Variants in SIPA1L1 observed in about 807,000 individuals in gnomAD.
SIPA1L1 encodes signal-induced proliferation-associated 1-like protein 1.
SIPA1L1 carries 26 observed loss-of-function variants against 162.7 expected under a neutral mutation model. That is an observed-to-expected ratio of 0.16 (90% CI 0.12 to 0.22). SIPA1L1 has a LOEUF of 0.22. SIPA1L1 is among the 10% of genes least tolerant of loss of function. SIPA1L1 has a pLI of 1.00. For missense variants in SIPA1L1, 1,874 were observed against 2,241.0 expected (o/e 0.84, Z 3.31); for synonymous variants, 829 against 837.4 (o/e 0.99, Z 0.17).
chr14:71,674,616 G>GCCGAGACCCCGCCAC (rs2044913202), intron 12 of SIPA1L1, among the ~76,000 whole-genome samples: 1 of 148,220 alleles, frequency 6.7e-6, no homozygotes, highest in African/African-American at 2.5e-5. Flanking sequence ...CCAGGCTGGA[G>GCCGAGACCCCGCCAC]TGCAGTGGCG....
In SIPA1L1 at chr14:71,671,515, C is replaced by A. The variant is rs2044508375; in HGVS notation, c.2652C>A (p.Phe884Leu). The A allele has an allele frequency of 6.2e-7, 1 of 1,614,060 alleles. No individual in the cohort carries two copies. Among genetic ancestry groups the A allele is most frequent in the African/African-American group, 1.3e-5 (1 of 74,926 alleles). Reference protein sequence around the residue: ...LDCLLGISNEFIVLIEQETKS... With the variant: ...LDCLLGISNELIVLIEQETKS... ...GCCTTTTAGGGATCTCCAATGAGTTCATTGTGCTCATTGAACAGGAAACAA... is the reference window on the plus strand; with the variant it reads ...GCCTTTTAGGGATCTCCAATGAGTTAATTGTGCTCATTGAACAGGAAACAA... The change falls in exon 11 of 24, where the codon TTC becomes TTA. Residue 884 changes from phenylalanine (F) to leucine (L), a missense_variant. By Grantham distance (22) the Phe-to-Leu change is conservative. Transcript: ENST00000381232.
At chr14:71,343,587 C>T (rs138334774) in intron 2 of SIPA1L1, among the ~76,000 whole-genome samples, 230 of 152,172 alleles carry the variant, frequency 1.5e-3, no homozygotes, top group Non-Finnish European at 2.5e-3. Flanking sequence ...CATTCTGCCA[C>T]CCAAGAATAA....
chr14:71,691,048 A>T (rs926810141), intron 13 of SIPA1L1, among the ~76,000 whole-genome samples: 1 of 152,154 alleles, frequency 6.6e-6, no homozygotes, highest in African/African-American at 2.4e-5. Flanking sequence ...AGGATTCGTT[A>T]TCAACTTCCC....
chr14:71,624,099 A>G lies in SIPA1L1; in HGVS notation c.1681A>G (p.Lys561Glu). The G allele has an allele frequency of 6.2e-7, 1 of 1,614,050 alleles. No homozygotes were observed. The highest frequency in any genetic ancestry group is 8.5e-7 in the Non-Finnish European group (1 of 1,179,932). ...VLEDAIPSTAKHSTARGLPLK... is the reference protein window; with the variant it reads ...VLEDAIPSTAEHSTARGLPLK... ...GGAGGACGCCATTCCGTCGACAGCC[A>G]AGCACTCGACAGCCAGAGGCCTGCC... is the stretch of plus-strand genomic sequence containing the variant. Residue 561 changes from lysine to glutamate, a missense_variant, in exon 7 of 24, where the codon AAG (lysine) becomes GAG (glutamate). Physicochemically the swap from Lys to Glu is moderately conservative, Grantham distance 56. This residue lies in a region of SIPA1L1 where 685 missense variants were observed against 828.0 expected (regional missense o/e 0.83). Transcript: ENST00000381232.
At chr14:71,693,115 A>T (rs1459593342) in intron 13 of SIPA1L1, among the ~76,000 whole-genome samples, 1 of 152,166 alleles carries the variant, frequency 6.6e-6, no homozygotes, top group Non-Finnish European at 1.5e-5. Flanking sequence ...AATTTTGCGC[A>T]TATTTGCATT....
intron 2 of SIPA1L1, among the ~76,000 whole-genome samples, chr14:71,380,769 G>A (rs1420923912): frequency 6.6e-6 from 1 of 152,150 alleles, no homozygotes; most frequent in Non-Finnish European, 1.5e-5. Context: ...TTTAGATCCA[G>A]CCCTGTCTGA....
intron 2 of SIPA1L1, among the ~76,000 whole-genome samples, chr14:71,343,897 C>T (rs777707559): frequency 3.6e-4 from 55 of 152,178 alleles, no homozygotes; most frequent in Non-Finnish European, 7.1e-4. Context: ...TGGTAATTGG[C>T]ATTCCAGATG....
chr14:71,547,272 G>T (rs900668501), intron 4 of SIPA1L1, among the ~76,000 whole-genome samples: 1 of 146,436 alleles, frequency 6.8e-6, no homozygotes, highest in Admixed American at 6.8e-5. Context: ...CATAAGATTC[G>T]TCACTTAATA....
At chr14:71,655,350 T>C (rs377405673) in intron 8 of SIPA1L1, among the ~76,000 whole-genome samples, 1 of 152,210 alleles carries the variant, frequency 6.6e-6, no homozygotes, top group Non-Finnish European at 1.5e-5. Flanking sequence ...ATGTACCATG[T>C]TTCCTTTATC....
intron 2 of SIPA1L1, among the ~76,000 whole-genome samples, chr14:71,482,362 A>C (rs1336499057): frequency 6.6e-6 from 1 of 152,198 alleles, no homozygotes; most frequent in East Asian, 1.9e-4. Context: ...TATTTTGACC[A>C]GAGGTGTAGA....
chr14:71,499,894 T>C (rs1294125009), intron 2 of SIPA1L1, among the ~76,000 whole-genome samples: 1 of 152,216 alleles, frequency 6.6e-6, no homozygotes, highest in Non-Finnish European at 1.5e-5. Context: ...TTGATATGTG[T>C]CCCACCAGAA....
intron 17 of SIPA1L1, among the ~76,000 whole-genome samples, chr14:71,713,784 T>G (rs781451609): frequency 2.6e-5 from 4 of 152,242 alleles, no homozygotes; most frequent in African/African-American, 7.2e-5. Flanking sequence ...TGGCATCCTA[T>G]GGATGTGAGA....
chr14:71,738,441 A>T (rs750844193), intron 23 of SIPA1L1, 116 bp downstream of exon 23: 40 of 650,606 alleles, frequency 6.1e-5, no homozygotes, highest in Non-Finnish European at 9.8e-5. Flanking sequence ...CGGTGCCTGC[A>T]TGTGTTTGGG....
At chr14:71,498,396 G>A (rs1030063975) in intron 2 of SIPA1L1, among the ~76,000 whole-genome samples, 4 of 151,966 alleles carry the variant, frequency 2.6e-5, no homozygotes, top group Non-Finnish European at 5.9e-5. Context: ...TTCGGTTTTT[G>A]GTTTACTGCT....
intron 4 of SIPA1L1, among the ~76,000 whole-genome samples, chr14:71,564,347 CTTTT>C (rs918163471): frequency 6.7e-6 from 1 of 148,706 alleles, no homozygotes; most frequent in African/African-American, 2.5e-5. Flanking sequence ...ATTTCTGTGA[CTTTT>C]TTTTTCTTTT....
intron 20 of SIPA1L1, 144 bp downstream of exon 20, chr14:71,730,445 C>T: frequency 2.2e-6 from 2 of 920,186 alleles, no homozygotes; most frequent in Non-Finnish European, 3.3e-6. Context: ...CCTCATTTGC[C>T]CTCTCTCTCC....
At chr14:71,373,694 G>A (rs910285530) in intron 2 of SIPA1L1, among the ~76,000 whole-genome samples, 35 of 150,948 alleles carry the variant, frequency 2.3e-4, no homozygotes, top group Non-Finnish European at 1.6e-4. Context: ...ATTTAAAAAT[G>A]TATATACTTT....
intron 2 of SIPA1L1, among the ~76,000 whole-genome samples, chr14:71,459,667 C>T (rs748057566): frequency 6.6e-5 from 10 of 152,098 alleles, no homozygotes; most frequent in Non-Finnish European, 1.3e-4. Flanking sequence ...CTCGCCTTTT[C>T]GTGTTTTTCT....
intron 2 of SIPA1L1, among the ~76,000 whole-genome samples, chr14:71,477,335 C>T (rs1327868128): frequency 6.6e-6 from 1 of 152,020 alleles, no homozygotes; most frequent in African/African-American, 2.4e-5. Context: ...ATCTGTTCCC[C>T]ATCTCCATAG....
Sources: allele counts gnomAD v4.1 joint callset (sites outside exome capture counted in the v4.1 genomes callset), GRCh38; gene constraint gnomAD v4.1.1; regional missense constraint gnomAD v4.1.1; transcripts MANE v1.5; gene names NCBI Gene and HGNC (gene_info 2026-07-23, HGNC 2026-07-21).